THSD7B: variants seen among roughly 807,000 people sequenced by gnomAD.
The protein encoded by THSD7B is thrombospondin type 1 domain containing 7B.
A neutral mutation model predicts 213.6 loss-of-function variants in THSD7B; 138 were observed. The observed-to-expected ratio is 0.65, with a 90% confidence interval of 0.56 to 0.74. The LOEUF (loss-of-function observed/expected upper bound fraction) is 0.74, where lower values mean the gene tolerates loss of function less well. Among genes scored for constraint, THSD7B ranks in the 30% least tolerant of loss-of-function variants. The pLI, the probability that THSD7B is intolerant of heterozygous loss-of-function variation, is 0.00. For missense variants in THSD7B, 1,931 were observed against 1,991.5 expected, an observed-to-expected ratio of 0.97 and a Z score of 0.58; for synonymous variants, 742 against 687.0, an observed-to-expected ratio of 1.08 and a Z score of -1.25.
chr2:136,964,110 C>T (rs1226509099), intron 2 of THSD7B, among the ~76,000 whole-genome samples: 1 of 152,212 alleles, frequency 6.6e-6, no homozygotes, highest in Non-Finnish European at 1.5e-5. Flanking sequence ...GGGATTCCCA[C>T]AGGAACAAGA....
At chr2:137,107,296 C>G (rs931168225) in intron 4 of THSD7B, among the ~76,000 whole-genome samples, 1 of 152,086 alleles carries the variant, frequency 6.6e-6, no homozygotes, top group Non-Finnish European at 1.5e-5. Flanking sequence ...AACAGAAAAC[C>G]AAACACTGCA....
At chr2:137,481,872 A>G (rs560455318) in intron 15 of THSD7B, among the ~76,000 whole-genome samples, 2 of 152,312 alleles carry the variant, frequency 1.3e-5, no homozygotes, top group Non-Finnish European at 2.9e-5. Flanking sequence ...ACTATTGGAA[A>G]TAACATTCTA....
intron 14 of THSD7B, among the ~76,000 whole-genome samples, chr2:137,432,118 C>T (rs1339579952): frequency 1.3e-5 from 2 of 152,164 alleles, no homozygotes; most frequent in Non-Finnish European, 2.9e-5. Flanking sequence ...AGCGGCCAGG[C>T]GCGGTGGCTC....
chr2:137,602,088 T>C (rs1312129381), intron 17 of THSD7B, among the ~76,000 whole-genome samples: 1 of 152,222 alleles, frequency 6.6e-6, no homozygotes, highest in Admixed American at 6.5e-5. Context: ...CTTGGGCTTC[T>C]TGAGGGAATA....
intron 2 of THSD7B, among the ~76,000 whole-genome samples, chr2:136,884,966 C>A (rs1180430269): frequency 6.6e-6 from 1 of 151,948 alleles, no homozygotes; most frequent in African/African-American, 2.4e-5. Context: ...TAGTTTATAA[C>A]CTTTGAAGAC....
At chr2:137,290,116 T>C (rs6726529) in intron 12 of THSD7B, among the ~76,000 whole-genome samples, 66,661 of 148,002 alleles carry the variant, frequency 0.45, 14,908 homozygotes, top group South Asian at 0.57. Flanking sequence ...TTTTCTTTTT[T>C]TTTTTTTTTT....
chr2:137,640,613 T>A (rs1236660301), intron 20 of THSD7B, among the ~76,000 whole-genome samples: 1 of 152,226 alleles, frequency 6.6e-6, no homozygotes, highest in Non-Finnish European at 1.5e-5. Context: ...GGGACTTAAA[T>A]TCTCTGAGCC....
chr2:136,799,573 T>C (rs752950572), intron 1 of THSD7B, among the ~76,000 whole-genome samples: 19 of 152,030 alleles, frequency 1.2e-4, no homozygotes, highest in Non-Finnish European at 2.2e-4. Flanking sequence ...ATTTGATTTT[T>C]TGAAGTCAAT....
chr2:136,874,829 G>C (rs2104984832), intron 1 of THSD7B, among the ~76,000 whole-genome samples: 1 of 152,184 alleles, frequency 6.6e-6, no homozygotes, highest in Non-Finnish European at 1.5e-5. Flanking sequence ...GAAACTCAAC[G>C]ACCTTCATGA....
Position 137,413,965 on chromosome 2 carries a change from T to C in THSD7B, c.2959+2093T>C, listed in dbSNP as rs143027994. Among the ~76,000 whole-genome samples, 45 of 152,316 alleles carry C rather than the reference T, an allele frequency of 3.0e-4. No individual in the cohort carries two copies. The East Asian group carries it at 7.9e-3, about 27-fold the overall frequency. On this transcript the variant is annotated intron_variant, in intron 14 of 27. Transcript: ENST00000409968. Reference sequence around the variant, plus strand: ...GTAATTTTAAGATGTAATTTAGAGATAGAATTGACAAGATTATTCCAAATG... The same window carrying C: ...GTAATTTTAAGATGTAATTTAGAGACAGAATTGACAAGATTATTCCAAATG...
chr2:137,191,683 G>T (rs902703075), intron 7 of THSD7B, among the ~76,000 whole-genome samples: 26 of 151,960 alleles, frequency 1.7e-4, no homozygotes, highest in Non-Finnish European at 2.9e-4. Flanking sequence ...CAGCTTAGGG[G>T]TCATCTCCTC....
intron 15 of THSD7B, among the ~76,000 whole-genome samples, chr2:137,506,553 T>C (rs1679838824): frequency 6.6e-6 from 1 of 152,202 alleles, no homozygotes; most frequent in Non-Finnish European, 1.5e-5. Flanking sequence ...CGCTGCTTTG[T>C]GGAAAGCACA....
chr2:137,011,472 C>T (rs1011038362), intron 2 of THSD7B, among the ~76,000 whole-genome samples: 1 of 152,166 alleles, frequency 6.6e-6, no homozygotes, highest in Admixed American at 6.5e-5. Context: ...TGTTTAGTGG[C>T]ATCTCTGACC....
Position 137,400,294 on chromosome 2 carries a change from G to GT in THSD7B, c.2501-5309dup, listed in dbSNP as rs1011135018. Among the ~76,000 whole-genome samples the GT allele has an allele frequency of 1.3e-3, 200 of 148,272 alleles. 1 individual carries two copies. Among genetic ancestry groups the GT allele is most frequent in the African/African-American group, 3.6e-3 (146 of 40,506 alleles). ...TTCTTTGAGGGTGTTGTAATACCTT[G>GT]TTTTTTTTTTCTTTCCATGATTTTT... On this transcript the variant is annotated intron_variant, in intron 12 of 27. Coordinates refer to ENST00000409968, the MANE Select transcript of THSD7B (RefSeq NM_001316349.2).
intron 15 of THSD7B, among the ~76,000 whole-genome samples, chr2:137,537,784 C>T (rs986687330): frequency 6.6e-6 from 1 of 151,592 alleles, no homozygotes; most frequent in Non-Finnish European, 1.5e-5. Context: ...TTCATTTATT[C>T]ATCTTTCTAA....
chr2:137,203,031 G>A (rs1179665438), intron 7 of THSD7B, among the ~76,000 whole-genome samples: 3 of 109,982 alleles, frequency 2.7e-5, no homozygotes, highest in African/African-American at 1.1e-4. Flanking sequence ...AACAGACATA[G>A]ATAGATAATG....
At chr2:136,864,791 A>G (rs577888015) in intron 1 of THSD7B, among the ~76,000 whole-genome samples, 2 of 152,252 alleles carry the variant, frequency 1.3e-5, no homozygotes, top group South Asian at 4.1e-4. Context: ...TGACCTCATT[A>G]TCCGCCCACC....
intron 2 of THSD7B, among the ~76,000 whole-genome samples, chr2:136,922,151 G>C (rs1275937823): frequency 6.6e-6 from 1 of 152,208 alleles, no homozygotes; most frequent in Non-Finnish European, 1.5e-5. Context: ...TGACTGCCTA[G>C]CATCAGCTTT....
At chr2:136,847,067 G>A (rs1285129475) in intron 1 of THSD7B, among the ~76,000 whole-genome samples, 1 of 152,044 alleles carries the variant, frequency 6.6e-6, no homozygotes, top group Non-Finnish European at 1.5e-5. Context: ...AATTAAAGGT[G>A]GGAATGAAGA....
Sources: gnomAD v4.1 joint callset for allele counts (sites outside exome capture counted in the v4.1 genomes callset) on GRCh38, gnomAD v4.1.1 for gene constraint, MANE v1.5 for transcripts, NCBI Gene and HGNC (gene_info 2026-07-23, HGNC 2026-07-21) for gene names.